Variants in TBC1D4 observed in about 807,000 individuals in gnomAD.
The protein encoded by TBC1D4 is TBC (Tre-2, BUB2, CDC16) domain-containing protein.
TBC1D4 carries 121 observed loss-of-function variants against 142.5 expected under a neutral mutation model. That is an observed-to-expected ratio of 0.85 (90% CI 0.73 to 0.99). The LOEUF (loss-of-function observed/expected upper bound fraction) is 0.99, where lower values mean the gene tolerates loss of function less well. Among genes scored for constraint, TBC1D4 ranks in the 50% least tolerant of loss-of-function variants. The probability of loss-of-function intolerance (pLI) is 0.00; values close to 1 mark genes in which losing one functional copy is unlikely to be tolerated. For missense variants in TBC1D4, 1,475 were observed against 1,606.6 expected, an observed-to-expected ratio of 0.92 and a Z score of 1.40; for synonymous variants, 630 against 628.2, an observed-to-expected ratio of 1.00 and a Z score of -0.04.
intron 4 of TBC1D4, among the ~76,000 whole-genome samples, chr13:75,355,507 T>G (rs1477046278): frequency 6.6e-6 from 1 of 152,208 alleles, no homozygotes; most frequent in African/African-American, 2.4e-5. Context: ...TAATCAGCAA[T>G]ATGGAAAGCA....
rs1874500356 is a variant in TBC1D4 at position 75,284,465 on chromosome 13, C to G, written c.*2327G>C. On this transcript the variant is annotated 3_prime_UTR_variant, in exon 21 of 21. Coordinates refer to ENST00000377636, the MANE Select transcript of TBC1D4 (RefSeq NM_014832.5). ...ACATAGATCTCCTGCATGCACAGTTCACAATAGGGTTTGCGCTCCTATGAG... is the reference window on the plus strand; with the variant it reads ...ACATAGATCTCCTGCATGCACAGTTGACAATAGGGTTTGCGCTCCTATGAG... Among the ~76,000 whole-genome samples, 1 of 152,160 alleles carries G rather than the reference C, an allele frequency of 6.6e-6. No individual in the cohort carries two copies. Among genetic ancestry groups the G allele is most frequent in the African/African-American group, 2.4e-5 (1 of 41,430 alleles).
In TBC1D4 at chr13:75,318,862, G is replaced by A. The variant is rs890373253; in HGVS notation, c.2222+1152C>T. On this transcript the variant is annotated intron_variant, in intron 12 of 20. Transcript: ENST00000377636. ...TTTAAGAAAATAAGTTTAGTATATT[G>A]GAATTTAAAACATCTCTGGGTATCT... Among the ~76,000 whole-genome samples the A allele has an allele frequency of 2.0e-5, 3 of 151,950 alleles. No individual in the cohort carries two copies. The East Asian group carries it at 5.8e-4, about 29-fold the overall frequency.
At position 75,341,162 on chromosome 13, in the gene TBC1D4, T is replaced by C. The variant is rs1384788807; in HGVS notation, c.1574A>G (p.Lys525Arg). Residue 525 changes from lysine to arginine, a missense_variant, in exon 7 of 21, where the codon AAG becomes AGG. Physicochemically the swap from Lys to Arg is conservative, Grantham distance 26. Transcript: ENST00000377636. ...ILHLRQLCEA[K>R]QKTHVHIGEG... is the part of the protein sequence containing the mutation. ...CCCGATGTGCACGTGTGTCTTCTGCTTGGCTTCACACAGCTGCCTCAGGTG... is the reference window on the plus strand; with the variant it reads ...CCCGATGTGCACGTGTGTCTTCTGCCTGGCTTCACACAGCTGCCTCAGGTG... The C allele has an allele frequency of 6.2e-6, 10 of 1,613,456 alleles. No homozygotes were observed.
chr13:75,412,346 A>C (rs952896851), intron 1 of TBC1D4, among the ~76,000 whole-genome samples: 1 of 152,124 alleles, frequency 6.6e-6, no homozygotes, highest in Non-Finnish European at 1.5e-5. Flanking sequence ...GCAGTGGTGC[A>C]ATCATGGCCC....
intron 1 of TBC1D4, among the ~76,000 whole-genome samples, chr13:75,410,790 G>T (rs1885608930): frequency 6.6e-6 from 1 of 150,692 alleles, no homozygotes; most frequent in Non-Finnish European, 1.5e-5. Flanking sequence ...CAAAAAATTA[G>T]CCGGGCGTGG....
At chr13:75,413,845 C>A (rs915140932) in intron 1 of TBC1D4, among the ~76,000 whole-genome samples, 3 of 152,140 alleles carry the variant, frequency 2.0e-5, no homozygotes, top group Non-Finnish European at 2.9e-5. Flanking sequence ...CCCCTCTCTT[C>A]GGTGGTTCTC....
Position 75,481,521 on chromosome 13 carries a change from T to A in TBC1D4, c.247A>T (p.Ile83Phe), listed in dbSNP as rs947303183. The part of the protein sequence containing the change: ...GCGAPAAREV[I>F]LVLSAPFLRC... ...AGGAAGGGCGCGCTGAGCACCAGGA[T>A]CACCTCTCGGGCCGCCGGCGCCCCG... is the stretch of plus-strand genomic sequence containing the variant. Residue 83 changes from isoleucine to phenylalanine, a missense_variant, in exon 1 of 21, where the codon ATC (isoleucine) becomes TTC (phenylalanine). Ile to Phe is a conservative substitution (Grantham distance 21). Coordinates refer to ENST00000377636, the MANE Select transcript of TBC1D4 (RefSeq NM_014832.5). 6.2e-7 allele frequency: 1 copy of A among 1,609,768 alleles called. No individual in the cohort carries two copies. The highest frequency in any genetic ancestry group is 8.5e-7 in the Non-Finnish European group (1 of 1,178,126).
At chr13:75,409,807 C>T (rs180878796) in intron 1 of TBC1D4, among the ~76,000 whole-genome samples, 1 of 152,300 alleles carries the variant, frequency 6.6e-6, no homozygotes, top group East Asian at 1.9e-4. Flanking sequence ...ATTTAGCGAA[C>T]CCTTTGCTAG....
intron 14 of TBC1D4, among the ~76,000 whole-genome samples, chr13:75,307,650 C>A (rs1056916291): frequency 6.6e-6 from 1 of 152,300 alleles, no homozygotes; most frequent in Middle Eastern, 3.4e-3. Context: ...GAAAGTTACT[C>A]TTTACTTAGT....
At chr13:75,311,124 C>A (rs1877707681) in intron 13 of TBC1D4, among the ~76,000 whole-genome samples, 2 of 152,176 alleles carry the variant, frequency 1.3e-5, no homozygotes, top group African/African-American at 4.8e-5. Flanking sequence ...GCTTATATCG[C>A]AAGAACAAAT....
chr13:75,352,391 CT>C (rs201963484), intron 4 of TBC1D4, among the ~76,000 whole-genome samples: 8 of 151,090 alleles, frequency 5.3e-5, no homozygotes, highest in South Asian at 2.1e-4. Flanking sequence ...GGGTCTTTTT[CT>C]TTTTTTTTCC....
At chr13:75,452,290 A>G (rs773006604) in intron 1 of TBC1D4, among the ~76,000 whole-genome samples, 2 of 152,204 alleles carry the variant, frequency 1.3e-5, no homozygotes, top group Non-Finnish European at 2.9e-5. Context: ...AAATAAAGAT[A>G]CTATCTTGGA....
At chr13:75,376,102 T>C (rs1883490451) in intron 1 of TBC1D4, 1 of 152,152 alleles carries the variant, frequency 6.6e-6, no homozygotes, top group Non-Finnish European at 1.5e-5. Flanking sequence ...TACGTATTGC[T>C]TCTAAAAAGA....
intron 1 of TBC1D4, among the ~76,000 whole-genome samples, chr13:75,385,966 T>C (rs529777296): frequency 1.3e-5 from 2 of 152,310 alleles, no homozygotes; most frequent in South Asian, 4.1e-4. Context: ...TGCTTATGAT[T>C]AACAGTGTGC....
intron 1 of TBC1D4, among the ~76,000 whole-genome samples, chr13:75,395,947 C>G (rs879522055): frequency 6.6e-6 from 1 of 152,132 alleles, no homozygotes; most frequent in Non-Finnish European, 1.5e-5. Flanking sequence ...CTTGTTTAAG[C>G]CTCTTTATTT....
Position 75,442,120 on chromosome 13 carries a change from C to A in TBC1D4, c.498+39150G>T, listed in dbSNP as rs938901960. Among the ~76,000 whole-genome samples the A allele has an allele frequency of 2.0e-5, 3 of 152,262 alleles. No homozygotes were observed. In the East Asian group the frequency reaches 5.8e-4, roughly 29 times the overall value. On this transcript the variant is annotated intron_variant, in intron 1 of 20. Transcript: ENST00000377636. ...ACTATGTATGTACTCTTTTTAACCT[C>A]CTCAATAATATAGGGTAACCTCAAA...
At chr13:75,348,739 C>T (rs1279447131) in intron 5 of TBC1D4, among the ~76,000 whole-genome samples, 1 of 152,140 alleles carries the variant, frequency 6.6e-6, no homozygotes, top group African/African-American at 2.4e-5. Flanking sequence ...AGAAAAGGAA[C>T]TCATCATCAA....
intron 1 of TBC1D4, among the ~76,000 whole-genome samples, chr13:75,440,233 G>C (rs1325881552): frequency 6.6e-6 from 1 of 152,152 alleles, no homozygotes; most frequent in Non-Finnish European, 1.5e-5. Context: ...TCAACTAGGG[G>C]TGGATTGTAT....
At position 75,393,070 on chromosome 13, in the gene TBC1D4, G is replaced by A. The variant is rs569979184; in HGVS notation, c.499-30463C>T. Among the ~76,000 whole-genome samples the A allele has an allele frequency of 5.0e-4, 75 of 151,188 alleles. 1 individual carries two copies. The highest frequency in any genetic ancestry group is 2.4e-3 in the Admixed American group (36 of 15,134). On this transcript the variant is annotated intron_variant, in intron 1 of 20. Transcript: ENST00000377636. ...CTGCAGTCATTTCTTCTCTATGGGCGTCATCTCTTTTGTAATGTCAAAAAA... is the reference window on the plus strand; with the variant it reads ...CTGCAGTCATTTCTTCTCTATGGGCATCATCTCTTTTGTAATGTCAAAAAA...
Sources: gnomAD v4.1 joint callset for allele counts (sites outside exome capture counted in the v4.1 genomes callset) on GRCh38, gnomAD v4.1.1 for gene constraint, MANE v1.5 for transcripts, NCBI Gene and HGNC (gene_info 2026-07-23, HGNC 2026-07-21) for gene names.